Variants in PARD3 observed in about 807,000 individuals in gnomAD.
PARD3 encodes the protein par-3 family cell polarity regulator, also known as partitioning defective 3 homolog.
A neutral mutation model predicts 155.4 loss-of-function variants in PARD3; 75 were observed. The ratio of observed to expected loss-of-function variants is 0.48; its 90% CI spans 0.40 to 0.58. The LOEUF (loss-of-function observed/expected upper bound fraction) is 0.58, where lower values mean the gene tolerates loss of function less well. PARD3 is among the 20% of genes least tolerant of loss of function. The pLI, the probability that PARD3 is intolerant of heterozygous loss-of-function variation, is 0.00. For synonymous variants in PARD3, 576 were observed against 610.5 expected (o/e 0.94, Z 0.83); for missense variants, 1,642 against 1,721.7 (o/e 0.95, Z 0.82).
At chr10:34,383,071 A>G in intron 8 of PARD3, 149 bp from the exon 9 acceptor site, 1 of 748,958 alleles carries the variant, frequency 1.3e-6, no homozygotes, top group Non-Finnish European at 2.2e-6. Context: ...TTTATCAATC[A>G]AGTTTGCAGC....
chr10:34,241,434 G>A (rs987406144), intron 22 of PARD3, among the ~76,000 whole-genome samples: 5 of 152,112 alleles, frequency 3.3e-5, no homozygotes, highest in Non-Finnish European at 7.4e-5. Context: ...GTCCTGGCGG[G>A]CCTCAGCAGC....
chr10:34,187,196 C>T (rs1950527923), intron 22 of PARD3, among the ~76,000 whole-genome samples: 1 of 152,128 alleles, frequency 6.6e-6, no homozygotes, highest in African/African-American at 2.4e-5. Context: ...CTGCCAAATG[C>T]CTTCACGTTT....
intron 2 of PARD3, among the ~76,000 whole-genome samples, chr10:34,679,403 A>G (rs958254401): frequency 6.6e-6 from 1 of 152,296 alleles, no homozygotes; most frequent in East Asian, 1.9e-4. Flanking sequence ...TCAGGTTCAA[A>G]GAAGTCTCTC....
At chr10:34,547,682 G>A (rs896016050) in intron 2 of PARD3, among the ~76,000 whole-genome samples, 3 of 152,176 alleles carry the variant, frequency 2.0e-5, no homozygotes, top group African/African-American at 7.2e-5. Flanking sequence ...CCCATGCCAT[G>A]ACCTGACATC....
intron 20 of PARD3, among the ~76,000 whole-genome samples, chr10:34,287,151 C>T (rs1589059116): frequency 6.6e-6 from 1 of 152,074 alleles, no homozygotes; most frequent in Admixed American, 6.6e-5. Flanking sequence ...AAAGCCAGGG[C>T]ATTCACTTCA....
intron 1 of PARD3, among the ~76,000 whole-genome samples, chr10:34,797,737 C>T (rs1254621531): frequency 6.6e-6 from 1 of 152,144 alleles, no homozygotes; most frequent in Non-Finnish European, 1.5e-5. Flanking sequence ...TCCAAATTGG[C>T]CTTTCCTTCC....
intron 20 of PARD3, among the ~76,000 whole-genome samples, chr10:34,301,147 A>T (rs1035415498): frequency 7.9e-5 from 12 of 152,178 alleles, no homozygotes; most frequent in Admixed American, 4.6e-4. Context: ...GGGATATGCG[A>T]TGTTCTCAAC....
chr10:34,391,257 C>T (rs1353210266), intron 7 of PARD3, among the ~76,000 whole-genome samples: 2 of 151,408 alleles, frequency 1.3e-5, no homozygotes, highest in Admixed American at 1.3e-4. Context: ...TTGGTAAATG[C>T]TAACTGTCCA....
At chr10:34,637,363 C>T (rs561076998) in intron 2 of PARD3, among the ~76,000 whole-genome samples, 2 of 152,326 alleles carry the variant, frequency 1.3e-5, no homozygotes, top group South Asian at 2.1e-4. Flanking sequence ...TTATCAAAGG[C>T]CTGCCACATA....
intron 2 of PARD3, among the ~76,000 whole-genome samples, chr10:34,638,977 A>G (rs1167811492): frequency 6.6e-6 from 1 of 152,284 alleles, no homozygotes; most frequent in Non-Finnish European, 1.5e-5. Flanking sequence ...GTTATTTCAA[A>G]GATGACTTCT....
At chr10:34,696,212 A>AT in intron 2 of PARD3, 106 bp downstream of exon 2, 1 of 673,864 alleles carries the variant, frequency 1.5e-6, no homozygotes, top group South Asian at 1.9e-5. Flanking sequence ...CCCACACATA[A>AT]TTTAAAGTAT....
chr10:34,187,487 A>AG (rs1003285718), intron 22 of PARD3, among the ~76,000 whole-genome samples: 22 of 152,160 alleles, frequency 1.4e-4, no homozygotes, highest in Non-Finnish European at 2.1e-4. Context: ...CTCCTCTCAC[A>AG]GGGGGGAAAA....
At chr10:34,430,203 A>C (rs1477994164) in intron 5 of PARD3, among the ~76,000 whole-genome samples, 2 of 152,244 alleles carry the variant, frequency 1.3e-5, no homozygotes, top group African/African-American at 2.4e-5. Context: ...TTTGTTATCA[A>C]AGGATTTTAA....
chr10:34,495,060 C>T (rs2080178116), intron 3 of PARD3, among the ~76,000 whole-genome samples: 1 of 152,044 alleles, frequency 6.6e-6, no homozygotes, highest in Non-Finnish European at 1.5e-5. Context: ...GAAGACAACA[C>T]AATGGTTGAG....
intron 3 of PARD3, among the ~76,000 whole-genome samples, chr10:34,483,551 T>C (rs2079239664): frequency 6.6e-6 from 1 of 151,980 alleles, no homozygotes. Context: ...TATTGTTATT[T>C]ATAATATTGC....
In PARD3 at chr10:34,294,450, T is replaced by C. The variant is rs190800787; in HGVS notation, c.3066-10205A>G. On this transcript the variant is annotated intron_variant, in intron 20 of 24. Transcript: ENST00000374788. Reference sequence around the variant, plus strand: ...GTGGGGAAGCCCCAGGCTCTTTGCATAGCTTCTGGAAACTTTGAAAGATTA... The same window carrying C: ...GTGGGGAAGCCCCAGGCTCTTTGCACAGCTTCTGGAAACTTTGAAAGATTA... 2.6e-3 allele frequency among the ~76,000 whole-genome samples: 402 copies of C among 152,332 alleles called. 2 individuals carry two copies. Among genetic ancestry groups the C allele is most frequent in the Non-Finnish European group, 4.4e-3 (299 of 68,016 alleles).
chr10:34,461,198 A>C (rs1014246109), intron 4 of PARD3, among the ~76,000 whole-genome samples: 1 of 152,244 alleles, frequency 6.6e-6, no homozygotes, highest in African/African-American at 2.4e-5. Context: ...GCAGCAATCC[A>C]TCTGATACTC....
chr10:34,290,735 CA>C (rs1956637416), intron 20 of PARD3, among the ~76,000 whole-genome samples: 2 of 152,114 alleles, frequency 1.3e-5, no homozygotes, highest in Non-Finnish European at 2.9e-5. Context: ...TTTTGAAGAC[CA>C]TGTGTTTGTA....
chr10:34,788,433 A>G (rs1172810695), intron 1 of PARD3, among the ~76,000 whole-genome samples: 4 of 149,262 alleles, frequency 2.7e-5, no homozygotes, highest in African/African-American at 5.0e-5. Context: ...TACCTGGGCC[A>G]AGCTCTAGGT....
Sources: allele counts gnomAD v4.1 joint callset (sites outside exome capture counted in the v4.1 genomes callset), GRCh38; gene constraint gnomAD v4.1.1; transcripts MANE v1.5; gene names NCBI Gene and HGNC (gene_info 2026-07-23, HGNC 2026-07-21).